Variants in TNNT2 observed in about 807,000 individuals in gnomAD.
TNNT2 encodes the protein troponin T2, cardiac type.
A neutral mutation model predicts 62.4 loss-of-function variants in TNNT2; 34 were observed. That is an observed-to-expected ratio of 0.54 (90% confidence interval 0.41 to 0.72). TNNT2 has a LOEUF of 0.72. Among genes scored for constraint, TNNT2 ranks in the 30% least tolerant of loss-of-function variants. The pLI, the probability that TNNT2 is intolerant of heterozygous loss-of-function variation, is 0.00. For synonymous variants in TNNT2, 123 were observed against 127.2 expected (o/e 0.97, Z 0.22); for missense variants, 275 against 381.9 (o/e 0.72, Z 2.33).
intron 11 of TNNT2, 145 bp from the exon 12 acceptor site, chr1:201,363,551 A>T: frequency 2.7e-6 from 2 of 728,102 alleles, no homozygotes; most frequent in South Asian, 1.6e-5. Flanking sequence ...CTCCCAGCAC[A>T]GTGCTGGCCC....
At chr1:201,369,393 C>A (rs1399952225) in intron 5 of TNNT2, 2 of 475,488 alleles carry the variant, frequency 4.2e-6, no homozygotes, top group African/African-American at 2.0e-5. Flanking sequence ...TGTCCCCAGA[C>A]CCCCCAACCA....
At chr1:201,376,611 C>T (rs1414051463) in intron 1 of TNNT2, among the ~76,000 whole-genome samples, 1 of 152,186 alleles carries the variant, frequency 6.6e-6, no homozygotes, top group Non-Finnish European at 1.5e-5. Context: ...GATTCGCCCT[C>T]TAAGACATGG....
At chr1:201,365,109 TGGA>T in intron 10 of TNNT2, 79 bp downstream of exon 10, 2 of 1,212,590 alleles carry the variant, frequency 1.6e-6, no homozygotes, top group South Asian at 2.4e-5. Flanking sequence ...GAAGGCTGTC[TGGA>T]GGAGGTGGGG....
rs1022649081 is a variant in TNNT2, at chr1:201,369,670, G to A, written c.97+146C>T. On this transcript the variant is annotated intron_variant, in intron 5 of 16. Transcript: ENST00000656932. Reference sequence around the variant, plus strand: ...GCTTGGAACTGTGATCCTGGCCCCTGGGAGGCAGGGGAGGAAACGACTGAC... The same window carrying A: ...GCTTGGAACTGTGATCCTGGCCCCTAGGAGGCAGGGGAGGAAACGACTGAC... The A allele has an allele frequency of 3.2e-5, 30 of 925,498 alleles. 1 individual carries two copies. In the Middle Eastern group the frequency reaches 1.4e-3, roughly 42 times the overall value. 57.3% of individuals were successfully genotyped at this position (925,498 alleles called of 1,614,324 possible). A position where few individuals can be genotyped will look rare whatever the true frequency, so the allele number is the denominator to read the frequency against.
chr1:201,359,325 A>G, intron 16 of TNNT2, 70 bp from the exon 17 acceptor site: 1 of 1,567,726 alleles, frequency 6.4e-7, no homozygotes, highest in Non-Finnish European at 8.7e-7. Context: ...CGGCTGGGGT[A>G]GGACTGGGGT....
chr1:201,370,062 G>A (rs983349223), intron 4 of TNNT2, among the ~76,000 whole-genome samples: 1 of 144,560 alleles, frequency 6.9e-6, no homozygotes, highest in Non-Finnish European at 1.5e-5. Flanking sequence ...CAGTAAAATG[G>A]GAATCATTCT....
chr1:201,372,222 A>G (rs1660734865), intron 2 of TNNT2, 67 bp from the exon 3 acceptor site: 1 of 1,603,232 alleles, frequency 6.2e-7, no homozygotes, highest in Non-Finnish European at 8.5e-7. Context: ...ACGCCTGCAC[A>G]CACATGCACA....
At chr1:201,373,300 C>CA in intron 1 of TNNT2, 32 bp from the exon 2 acceptor site, 1 of 1,598,060 alleles carries the variant, frequency 6.3e-7, no homozygotes, top group Non-Finnish European at 8.6e-7. Flanking sequence ...AGTGCAGGTA[C>CA]AAAGGGAAGC....
chr1:201,363,889 C>CTTTT, intron 11 of TNNT2: 1 of 171,050 alleles, frequency 5.8e-6, no homozygotes, highest in East Asian at 1.5e-4. Context: ...CTTTTTTTTC[C>CTTTT]TTTTTTTTTT....
intron 7 of TNNT2, 51 bp downstream of exon 7, chr1:201,367,720 G>A (rs1307564774): frequency 1.3e-6 from 2 of 1,595,600 alleles, no homozygotes; most frequent in East Asian, 2.2e-5. Flanking sequence ...CTCCAAAGCT[G>A]CTGTGAGGGG....
chr1:201,363,512 G>A (rs1310968175), intron 11 of TNNT2, 106 bp from the exon 12 acceptor site: 46 of 1,032,988 alleles, frequency 4.5e-5, no homozygotes, highest in South Asian at 7.7e-5. Flanking sequence ...CTTTCTCTCC[G>A]CTCAGCAAGG....
chr1:201,372,464 C>G (rs1446724215), intron 2 of TNNT2, among the ~76,000 whole-genome samples: 1 of 152,108 alleles, frequency 6.6e-6, no homozygotes, highest in East Asian at 1.9e-4. Context: ...TCTAGAAAGT[C>G]CTGCCCTCTC....
At position 201,373,238 on chromosome 1, in the gene TNNT2, T is replaced by A; in HGVS notation, c.17A>T (p.Glu6Val). The A allele has an allele frequency of 6.2e-7, 1 of 1,614,006 alleles. No homozygotes were observed. The highest frequency in any genetic ancestry group is 8.5e-7 in the Non-Finnish European group (1 of 1,179,984). Reference sequence around the variant, plus strand: ...CTCCTCCTCGTACTCTTCCACCACCTCTTCTATGTCAGACATGGTCTCTGC... The same window carrying A: ...CTCCTCCTCGTACTCTTCCACCACCACTTCTATGTCAGACATGGTCTCTGC... MSDIE[E>V]VVEEYEEEEQ... The change falls in exon 2 of 17, where the codon GAG becomes GTG. Residue 6 changes from glutamate to valine, a missense_variant. Coordinates refer to ENST00000656932, the MANE Select transcript of TNNT2 (RefSeq NM_001276345.2).
At chr1:201,359,798 G>A in intron 15 of TNNT2, 135 bp from the exon 16 acceptor site, 1 of 813,452 alleles carries the variant, frequency 1.2e-6, no homozygotes, top group East Asian at 2.7e-5. Context: ...AGAGTAGGAG[G>A]GGTTAGGATA....
At chr1:201,362,240 A>C in intron 13 of TNNT2, 146 bp downstream of exon 13, 5 of 1,402,308 alleles carry the variant, frequency 3.6e-6, no homozygotes, top group Non-Finnish European at 4.0e-6. Context: ...TCTTTGCCTA[A>C]CTAATCTCTT....
intron 7 of TNNT2, 108 bp downstream of exon 7, chr1:201,367,663 T>G (rs1413110946): frequency 7.9e-7 from 1 of 1,261,610 alleles, no homozygotes; most frequent in Non-Finnish European, 1.2e-6. Flanking sequence ...TCCCAAACCC[T>G]CTCAGTGCAC....
At position 201,361,896 on chromosome 1, in the gene TNNT2, T is replaced by C. The variant is rs756762353; in HGVS notation, c.719+17A>G. 3 of 1,610,878 alleles carry C rather than the reference T, an allele frequency of 1.9e-6. No individual in the cohort carries two copies. In the African/African-American group the frequency reaches 4.0e-5, roughly 22 times the overall value. On this transcript the variant is annotated intron_variant, in intron 14 of 16. Transcript: ENST00000656932. ...AGATGCGGGCAGTGCCCCAGGACCA[T>C]TCCTCCCAGCCCCCACCTCAGCTGA... is the stretch of plus-strand genomic sequence containing the variant.
At chr1:201,374,256 A>G (rs2102322802) in intron 1 of TNNT2, 1 of 79,298 alleles carries the variant, frequency 1.3e-5, no homozygotes, top group Admixed American at 1.6e-4. Context: ...AATTATGTCA[A>G]TGAAAATTCC....
intron 8 of TNNT2, chr1:201,366,037 C>T (rs1290923405): frequency 6.8e-6 from 8 of 1,172,904 alleles, no homozygotes; most frequent in Non-Finnish European, 8.5e-6. Flanking sequence ...TTCAAATCCC[C>T]TGGTGGACCC....
Sources: allele counts gnomAD v4.1 joint callset (sites outside exome capture counted in the v4.1 genomes callset), GRCh38; gene constraint gnomAD v4.1.1; transcripts MANE v1.5; gene names NCBI Gene and HGNC (gene_info 2026-07-23, HGNC 2026-07-21).